Variants in DYRK2 observed in about 807,000 individuals in gnomAD.
DYRK2 encodes the protein dual specificity tyrosine phosphorylation regulated kinase 2.
DYRK2 carries 12 observed loss-of-function variants against 41.6 expected under a neutral mutation model. The observed-to-expected ratio is 0.29, with a 90% confidence interval of 0.18 to 0.47. The LOEUF is 0.47. Among genes scored for constraint, DYRK2 ranks in the 20% least tolerant of loss-of-function variants. The probability of loss-of-function intolerance (pLI) is 1.00; values close to 1 mark genes in which losing one functional copy is unlikely to be tolerated. For missense variants in DYRK2, 678 were observed against 798.4 expected (o/e 0.85, Z 1.82); for synonymous variants, 322 against 315.7 (o/e 1.02, Z -0.21).
In DYRK2 at chr12:67,658,503, C is replaced by T. The variant is rs1872545454; in HGVS notation, c.1596C>T (p.His532=). ...TGACCCCAGGCCAGGCTTTGCGGCACCCCTGGCTGAGGAGGCGGTTGCCAA... is the reference window on the plus strand; with the variant it reads ...TGACCCCAGGCCAGGCTTTGCGGCATCCCTGGCTGAGGAGGCGGTTGCCAA... ...VRMTPGQALR[H]PWLRRRLPKP... The change falls in exon 3 of 3, where the codon CAC becomes CAT. Residue 532 remains histidine (H), a synonymous_variant. Transcript: ENST00000344096. The surrounding 1 kb of genome is among the most constrained non-coding windows in gnomAD (Gnocchi z 4.3). 1.2e-6 allele frequency: 2 copies of T among 1,611,172 alleles called. No individual in the cohort carries two copies. Among genetic ancestry groups the T allele is most frequent in the Non-Finnish European group, 1.7e-6 (2 of 1,178,580 alleles).
At chr12:67,651,360 G>T (rs1872316802) in intron 2 of DYRK2, 2 of 302,898 alleles carry the variant, frequency 6.6e-6, no homozygotes, top group Non-Finnish European at 1.3e-5. Context: ...ACATGACATG[G>T]TGTGAGCTGG....
intron 2 of DYRK2, among the ~76,000 whole-genome samples, chr12:67,653,959 A>C (rs745420142): frequency 6.6e-6 from 1 of 152,234 alleles, no homozygotes; most frequent in Non-Finnish European, 1.5e-5. Flanking sequence ...TCTGGAAAGG[A>C]CAATAATAAT....
At position 67,662,740 on chromosome 12, in the gene DYRK2, G is replaced by A. The variant is rs1592716828; in HGVS notation, c.*4027G>A. On this transcript the variant is annotated 3_prime_UTR_variant, in exon 3 of 3. Transcript: ENST00000344096. ...TATCCTTTGTCAATTAGCCTGGAGA[G>A]GGTTTAGAATGCAAAATGGATAGCT... 6.3e-6 allele frequency: 1 copy of A among 158,942 alleles called. No individual in the cohort carries two copies. The highest frequency in any genetic ancestry group is 1.9e-4 in the East Asian group (1 of 5,200). The allele number at this position is 158,942 out of a possible 1,614,324, so 9.8% of individuals were successfully genotyped here. A position where few individuals can be genotyped will look rare whatever the true frequency, so the allele number is the denominator to read the frequency against.
In DYRK2 at chr12:67,649,906, G is replaced by T. The variant is rs368559072; in HGVS notation, c.159G>T (p.Pro53=). Residue 53 remains proline (P), a synonymous_variant, in exon 2 of 3, where the codon CCG becomes CCT. Coordinates refer to ENST00000344096, the MANE Select transcript of DYRK2 (RefSeq NM_006482.3). The part of the protein sequence containing the change: ...GTGPPSPIAL[P]PLRASNAAAA... ...GCCCGCCCTCCCCCATCGCCCTGCC[G>T]CCTCTCCGGGCCAGCAACGCTGCCG... 10 of 1,378,324 alleles carry T rather than the reference G, an allele frequency of 7.3e-6. No individual in the cohort carries two copies. Among genetic ancestry groups the T allele is most frequent in the Non-Finnish European group, 9.3e-6 (10 of 1,072,426 alleles). 85.4% of individuals were successfully genotyped at this position (1,378,324 alleles called of 1,614,324 possible). A position where few individuals can be genotyped will look rare whatever the true frequency, so the allele number is the denominator to read the frequency against.
Position 67,657,918 on chromosome 12 carries a change from T to A in DYRK2, c.1011T>A (p.Asp337Glu), listed in dbSNP as rs1453459826. Residue 337 changes from aspartate (D) to glutamate (E), a missense_variant, in exon 3 of 3, where the codon GAT (aspartate) becomes GAA (glutamate). By Grantham distance (45) the Asp-to-Glu change is conservative. Transcript: ENST00000344096. The surrounding 1 kb of genome is among the most constrained non-coding windows in gnomAD (Gnocchi z 4.8). ...CCCACTCGATTCTGCAGTGCTTGGA[T>A]GCTTTGCACAAAAACAGAATAATTC... is the stretch of plus-strand genomic sequence containing the variant. ...KFAHSILQCL[D>E]ALHKNRIIHC... 1 of 1,614,266 alleles carries A rather than the reference T, an allele frequency of 6.2e-7. No individual in the cohort carries two copies. Among genetic ancestry groups the A allele is most frequent in the South Asian group, 1.1e-5 (1 of 91,088 alleles).
intron 2 of DYRK2, 122 bp from the exon 3 acceptor site, chr12:67,656,984 C>A: frequency 9.0e-7 from 1 of 1,109,918 alleles, no homozygotes; most frequent in Non-Finnish European, 1.2e-6. Flanking sequence ...GTGGCTTTTA[C>A]TCAAACCAAA....
At chr12:67,649,769 T>G in intron 1 of DYRK2, 28 bp from the exon 2 acceptor site, 1 of 1,312,426 alleles carries the variant, frequency 7.6e-7, no homozygotes, top group East Asian at 2.8e-5. Context: ...CTGACCCTCT[T>G]TTGTCTCCTC....
In DYRK2 at chr12:67,649,112, T is replaced by C. The variant is rs367705981; in HGVS notation, c.-22T>C. 521 of 1,501,104 alleles carry C rather than the reference T, an allele frequency of 3.5e-4. No individual in the cohort carries two copies. The highest frequency in any genetic ancestry group is 4.5e-4 in the Non-Finnish European group (510 of 1,121,620). 93.0% of individuals were successfully genotyped at this position (1,501,104 alleles called of 1,614,324 possible). On this transcript the variant is annotated 5_prime_UTR_variant, in exon 1 of 3. It removes an upstream start codon present in the reference 5' UTR. Coordinates refer to ENST00000344096, the MANE Select transcript of DYRK2 (RefSeq NM_006482.3). Reference sequence around the variant, plus strand: ...GGCGGCGGCGACGGCAGCCCTGAAATGCATTTTCCTCTCCAGCGGCCATGT... The same window carrying C: ...GGCGGCGGCGACGGCAGCCCTGAAACGCATTTTCCTCTCCAGCGGCCATGT...
chr12:67,660,445 A>G lies in DYRK2; in HGVS notation c.*1732A>G, dbSNP rs1478002475. On this transcript the variant is annotated 3_prime_UTR_variant, in exon 3 of 3. Transcript: ENST00000344096. ...AAAAAATGCTCAGGAAATATTTCAGATATTTGCCAAAAAACCAGTAATAAG... is the reference window on the plus strand; with the variant it reads ...AAAAAATGCTCAGGAAATATTTCAGGTATTTGCCAAAAAACCAGTAATAAG... 1 of 167,004 alleles carries G rather than the reference A, an allele frequency of 6.0e-6. No homozygotes were observed. The highest frequency in any genetic ancestry group is 1.5e-5 in the Non-Finnish European group (1 of 68,088). 10.3% of individuals were successfully genotyped at this position (167,004 alleles called of 1,614,324 possible). A position where few individuals can be genotyped will look rare whatever the true frequency, so the allele number is the denominator to read the frequency against.
At chr12:67,655,474 T>C (rs1057340419) in intron 2 of DYRK2, among the ~76,000 whole-genome samples, 1 of 152,214 alleles carries the variant, frequency 6.6e-6, no homozygotes, top group South Asian at 2.1e-4. Context: ...TTTTATGGAC[T>C]GCCCTGCTTT....
rs1404360131 is a variant in DYRK2, at chr12:67,662,309, A to G, written c.*3596A>G. On this transcript the variant is annotated 3_prime_UTR_variant, in exon 3 of 3. Transcript: ENST00000344096. The stretch of plus-strand genomic sequence containing the variant: ...TCTGCTATGGACATACATAAAATTA[A>G]TTGTAATTATACTCAGCTCAACTGC... 1 of 166,958 alleles carries G rather than the reference A, an allele frequency of 6.0e-6. No individual in the cohort carries two copies. Among genetic ancestry groups the G allele is most frequent in the Admixed American group, 6.6e-5 (1 of 15,258 alleles). The allele number at this position is 166,958 out of a possible 1,614,324, so 10.3% of individuals were successfully genotyped here.
Position 67,661,833 on chromosome 12 carries a change from A to G in DYRK2, c.*3120A>G, listed in dbSNP as rs1872631900. The G allele has an allele frequency of 6.0e-6, 1 of 166,814 alleles. No individual in the cohort carries two copies. Among genetic ancestry groups the G allele is most frequent in the Non-Finnish European group, 1.5e-5 (1 of 68,084 alleles). The allele number at this position is 166,814 out of a possible 1,614,324, so 10.3% of individuals were successfully genotyped here. On this transcript the variant is annotated 3_prime_UTR_variant, in exon 3 of 3. Coordinates refer to ENST00000344096, the MANE Select transcript of DYRK2 (RefSeq NM_006482.3). ...TTATGCTAACACTAGACAAAAATCA[A>G]CTGTATTTGTAAAAATTTACCTCAA... is the stretch of plus-strand genomic sequence containing the variant.
rs770414447 is a variant in DYRK2 at position 67,657,884 on chromosome 12, G to T, written c.977G>T (p.Arg326Leu). ...KFQGFSLPLV[R>L]KFAHSILQCL... The stretch of plus-strand genomic sequence containing the variant: ...CAGGGCTTCAGTCTGCCTTTGGTTC[G>T]CAAGTTTGCCCACTCGATTCTGCAG... The change falls in exon 3 of 3, where the codon CGC becomes CTC. Residue 326 changes from arginine to leucine, a missense_variant. Physicochemically the swap from Arg to Leu is moderately radical, Grantham distance 102 (BLOSUM62 -2). Coordinates refer to ENST00000344096, the MANE Select transcript of DYRK2 (RefSeq NM_006482.3). The surrounding 1 kb of genome is among the most constrained non-coding windows in gnomAD (Gnocchi z 4.8). 1.9e-6 allele frequency: 3 copies of T among 1,614,182 alleles called. No homozygotes were observed. The highest frequency in any genetic ancestry group is 1.1e-5 in the South Asian group (1 of 91,082).
In DYRK2 at chr12:67,657,015, G is replaced by T; in HGVS notation, c.199-91G>T. 2 of 1,328,100 alleles carry T rather than the reference G, an allele frequency of 1.5e-6. No individual in the cohort carries two copies. The highest frequency in any genetic ancestry group is 2.0e-6 in the Non-Finnish European group (2 of 997,834). 82.3% of individuals were successfully genotyped at this position (1,328,100 alleles called of 1,614,324 possible). ...CCAAATGGGATTTTGTAAATGTGAG[G>T]TTGGGGGCGGTGGTGTTGTTGGGGG... On this transcript the variant is annotated intron_variant, in intron 2 of 2. Coordinates refer to ENST00000344096, the MANE Select transcript of DYRK2 (RefSeq NM_006482.3). This position sits in a 1 kb window ranked among gnomAD's most constrained non-coding sequence, Gnocchi z 4.8.
chr12:67,652,981 C>T (rs1872365502), intron 2 of DYRK2, among the ~76,000 whole-genome samples: 1 of 152,114 alleles, frequency 6.6e-6, no homozygotes, highest in Non-Finnish European at 1.5e-5. Context: ...AGGCACCCGC[C>T]ACCATGCCTG....
chr12:67,649,219 C>T, intron 1 of DYRK2, 37 bp downstream of exon 1: 2 of 1,454,242 alleles, frequency 1.4e-6, no homozygotes, highest in Non-Finnish European at 1.8e-6. Flanking sequence ...ATCCCCGGAC[C>T]CCCGCCGGCC....
chr12:67,661,592 C>G lies in DYRK2; in HGVS notation c.*2879C>G, dbSNP rs1872625166. ...TTTGGCCTCTTTAACTCTTCGAATT[C>G]TAGTCAGTAAGAATGGAACCCATCT... On this transcript the variant is annotated 3_prime_UTR_variant, in exon 3 of 3. Transcript: ENST00000344096. 6.0e-6 allele frequency: 1 copy of G among 166,988 alleles called. No individual in the cohort carries two copies. The highest frequency in any genetic ancestry group is 2.1e-4 in the South Asian group (1 of 4,826). 10.3% of individuals were successfully genotyped at this position (166,988 alleles called of 1,614,324 possible).
intron 2 of DYRK2, among the ~76,000 whole-genome samples, chr12:67,655,500 G>A (rs1391242975): frequency 1.3e-5 from 2 of 152,140 alleles, no homozygotes; most frequent in East Asian, 3.8e-4. Flanking sequence ...TAGAACAAGG[G>A]TAAAATAACC....
intron 1 of DYRK2, 121 bp from the exon 2 acceptor site, chr12:67,649,676 G>A: frequency 1.8e-6 from 2 of 1,130,330 alleles, no homozygotes; most frequent in African/African-American, 1.6e-5. Flanking sequence ...TTACTGCCCC[G>A]GTCTCTTCCT....
Sources: allele counts gnomAD v4.1 joint callset (sites outside exome capture counted in the v4.1 genomes callset), GRCh38; gene constraint gnomAD v4.1.1; non-coding constraint Gnocchi (gnomAD v3.1); transcripts MANE v1.5; gene names NCBI Gene and HGNC (gene_info 2026-07-23, HGNC 2026-07-21).